RASGEF1C: variants seen among roughly 807,000 people sequenced by gnomAD.
RASGEF1C encodes RasGEF domain family member 1C, also known as ras-GEF domain-containing family member 1C.
In RASGEF1C, 27 loss-of-function variants were observed where a neutral mutation model predicts 58.1. The ratio of observed to expected loss-of-function variants is 0.46; its 90% CI spans 0.34 to 0.64. The LOEUF (loss-of-function observed/expected upper bound fraction) is 0.64. RASGEF1C is among the 30% of genes least tolerant of loss of function. RASGEF1C has a pLI of 0.01. For missense variants in RASGEF1C, 502 were observed against 605.1 expected (o/e 0.83, Z 1.79); for synonymous variants, 243 against 246.3 (o/e 0.99, Z 0.13).
Position 180,111,526 on chromosome 5 carries a change from C to T in RASGEF1C, c.1234G>A (p.Glu412Lys). 4 of 1,614,000 alleles carry T rather than the reference C, an allele frequency of 2.5e-6. No homozygotes were observed. In the East Asian group the frequency reaches 6.7e-5, roughly 27 times the overall value. ...VGEFITWKQV[E>K]CPFEQDASIT... is the part of the protein sequence containing the mutation. ...CTGGCGTCTTGCTCGAAGGGACACTCCACTTGTTTCCAGGTGATGAACTCC... is the reference window on the plus strand; with the variant it reads ...CTGGCGTCTTGCTCGAAGGGACACTTCACTTGTTTCCAGGTGATGAACTCC... Residue 412 changes from glutamate to lysine, a missense_variant, in exon 12 of 14, where the codon GAG (glutamate) becomes AAG (lysine). Coordinates refer to ENST00000361132, the MANE Select transcript of RASGEF1C (RefSeq NM_175062.4).
rs780855128 is a variant in RASGEF1C at position 180,128,568 on chromosome 5, G to C, written c.481C>G (p.Gln161Glu). 2 of 1,614,108 alleles carry C rather than the reference G, an allele frequency of 1.2e-6. No individual in the cohort carries two copies. The highest frequency in any genetic ancestry group is 2.2e-5 in the East Asian group (1 of 44,882). The change falls in exon 5 of 14, where the codon CAG (glutamine) becomes GAG (glutamate). Residue 161 changes from glutamine (Q) to glutamate (E), a missense_variant. Gln to Glu is a conservative substitution (Grantham distance 29). Transcript: ENST00000361132. ...CCCTGGCGCAGAGCCGCCAGCTTCT[G>C]GTGCAGAGCCTGTAGGAGCTGATGC... ...RMHQLLQALH[Q>E]KLAALRQGPE...
At chr5:180,208,763 A>G (rs1229309746) in intron 1 of RASGEF1C, among the ~76,000 whole-genome samples, 2 of 151,864 alleles carry the variant, frequency 1.3e-5, no homozygotes, top group Non-Finnish European at 2.9e-5. Flanking sequence ...CGCGCCCAGC[A>G]GGGGCTGGCG....
intron 1 of RASGEF1C, among the ~76,000 whole-genome samples, chr5:180,175,439 C>T (rs1767207733): frequency 6.6e-6 from 1 of 152,168 alleles, no homozygotes; most frequent in African/African-American, 2.4e-5. Context: ...AGATTTGGGG[C>T]TTCTTGGGCA....
At chr5:180,124,561 A>C (rs6892959) in intron 6 of RASGEF1C, among the ~76,000 whole-genome samples, 36,506 of 152,178 alleles carry the variant, frequency 0.24, 4,848 homozygotes, top group Admixed American at 0.29. Context: ...GCAGTGGCTC[A>C]CGCCTGTAAT....
chr5:180,138,363 G>A (rs560261583), intron 1 of RASGEF1C: 3 of 280,284 alleles, frequency 1.1e-5, no homozygotes, highest in East Asian at 6.0e-5. Flanking sequence ...ACCCCTCCAC[G>A]AAGGTTGTTT....
chr5:180,150,667 G>A (rs533880898), intron 1 of RASGEF1C, among the ~76,000 whole-genome samples: 1 of 152,170 alleles, frequency 6.6e-6, no homozygotes, highest in African/African-American at 2.4e-5. Flanking sequence ...TCTCTGGGAT[G>A]CCCTCTCTCA....
At position 180,137,633 on chromosome 5, in the gene RASGEF1C, A is replaced by G. The variant is rs1158560338; in HGVS notation, c.257T>C (p.Leu86Pro). 3.7e-6 allele frequency: 6 copies of G among 1,612,324 alleles called. No individual in the cohort carries two copies. The highest frequency in any genetic ancestry group is 5.1e-6 in the Non-Finnish European group (6 of 1,179,878). ...GTCCAGCTGCTGCTGCTCGATGCAC[A>G]GGTGGCAGACCCGGGCCAGGAGCTC... is the stretch of plus-strand genomic sequence containing the variant. ...PRELLARVCH[L>P]CIEQQQLDKP... is the part of the protein sequence containing the mutation. The change falls in exon 3 of 14, where the codon CTG becomes CCG. Residue 86 changes from leucine to proline, a missense_variant. Leu to Pro is a moderately conservative substitution (Grantham distance 98, BLOSUM62 -3). Transcript: ENST00000361132. The surrounding 1 kb of genome is among the most constrained non-coding windows in gnomAD (Gnocchi z 4.1).
At chr5:180,169,964 C>T (rs963944718) in intron 1 of RASGEF1C, among the ~76,000 whole-genome samples, 2 of 152,176 alleles carry the variant, frequency 1.3e-5, no homozygotes, top group Admixed American at 6.5e-5. Context: ...GGAGACCTTC[C>T]GTGACCACTG....
chr5:180,174,464 CTGTG>C (rs556335321), intron 1 of RASGEF1C, among the ~76,000 whole-genome samples: 10 of 141,076 alleles, frequency 7.1e-5, no homozygotes, highest in South Asian at 2.3e-4. Context: ...GTGTGCATGT[CTGTG>C]TGTATGTGTG....
chr5:180,159,173 T>C (rs1357751497), intron 1 of RASGEF1C, among the ~76,000 whole-genome samples: 1 of 151,116 alleles, frequency 6.6e-6, no homozygotes, highest in African/African-American at 2.4e-5. Flanking sequence ...AGAATCTCAC[T>C]CTGTTGCCCA....
chr5:180,201,374 C>A (rs1044818897), intron 1 of RASGEF1C, among the ~76,000 whole-genome samples: 1 of 152,124 alleles, frequency 6.6e-6, no homozygotes, highest in African/African-American at 2.4e-5. Context: ...TCAGAAAACA[C>A]AAGTCCACTC....
At chr5:180,186,105 A>G (rs989834525) in intron 1 of RASGEF1C, among the ~76,000 whole-genome samples, 21 of 150,648 alleles carry the variant, frequency 1.4e-4, no homozygotes, top group African/African-American at 4.9e-4. Flanking sequence ...TCCACAGAAA[A>G]AAAAAAAAAA....
chr5:180,188,973 AG>A (rs1389696825), intron 1 of RASGEF1C, among the ~76,000 whole-genome samples: 1 of 152,234 alleles, frequency 6.6e-6, no homozygotes, highest in African/African-American at 2.4e-5. Context: ...AAGAAACAAA[AG>A]GCATCCAAAT....
At chr5:180,105,816 C>T (rs1415781770) in intron 12 of RASGEF1C, among the ~76,000 whole-genome samples, 10 of 151,680 alleles carry the variant, frequency 6.6e-5, no homozygotes, top group South Asian at 2.1e-4. Context: ...TGCAGTGAGC[C>T]GAGATCGTGC....
chr5:180,200,612 C>T lies in RASGEF1C; in HGVS notation c.-7+8416G>A, dbSNP rs1756372521. The stretch of plus-strand genomic sequence containing the variant: ...ACAGGCGTGAGCCACCGCGCCCAGC[C>T]AAGTACACCATTCTTTATGGAGCTT... On this transcript the variant is annotated intron_variant, in intron 1 of 13. Transcript: ENST00000361132. Among the ~76,000 whole-genome samples, 3 of 152,038 alleles carry T rather than the reference C, an allele frequency of 2.0e-5. No homozygotes were observed. The South Asian group carries it at 6.2e-4, about 32-fold the overall frequency.
Position 180,101,455 on chromosome 5 carries a change from G to T in RASGEF1C, c.*46C>A. 6.2e-7 allele frequency: 1 copy of T among 1,604,948 alleles called. No homozygotes were observed. Among genetic ancestry groups the T allele is most frequent in the Non-Finnish European group, 8.5e-7 (1 of 1,178,994 alleles). The stretch of plus-strand genomic sequence containing the variant: ...GGGCCACTGAGGCAGGGCTGTGGAC[G>T]GCTTCTGCGGGCTCCAGCTCTTCCT... On this transcript the variant is annotated 3_prime_UTR_variant, in exon 14 of 14. Transcript: ENST00000361132.
intron 1 of RASGEF1C, among the ~76,000 whole-genome samples, chr5:180,174,509 C>A (rs1031013153): frequency 7.0e-6 from 1 of 142,742 alleles, no homozygotes; most frequent in South Asian, 2.2e-4. Flanking sequence ...TCTGTGTGTG[C>A]GTGCGCGTAC....
chr5:180,202,553 A>G (rs1390739637), intron 1 of RASGEF1C, among the ~76,000 whole-genome samples: 17 of 152,232 alleles, frequency 1.1e-4, no homozygotes, highest in Admixed American at 1.1e-3. Context: ...CATCTTGTCA[A>G]CAATGTACAA....
chr5:180,191,402 G>C (rs1241069359), intron 1 of RASGEF1C, among the ~76,000 whole-genome samples: 1 of 151,858 alleles, frequency 6.6e-6, no homozygotes, highest in African/African-American at 2.4e-5. Context: ...TGTCGCCCAG[G>C]CTGGAGTGCA....
Sources: allele counts gnomAD v4.1 joint callset (sites outside exome capture counted in the v4.1 genomes callset), GRCh38; gene constraint gnomAD v4.1.1; non-coding constraint Gnocchi (gnomAD v3.1); transcripts MANE v1.5; gene names NCBI Gene and HGNC (gene_info 2026-07-23, HGNC 2026-07-21).